The following ASS1 variants were observed in gnomAD, a reference collection of about 807,000 sequenced individuals.
ASS1 encodes argininosuccinate synthase.
In ASS1, 58 loss-of-function variants were observed where a neutral mutation model predicts 60.5. The observed-to-expected ratio is 0.96, with a 90% CI of 0.78 to 1.19. The LOEUF is 1.19. Among genes scored for constraint, ASS1 ranks in the 50% most tolerant of loss-of-function variants. The probability of loss-of-function intolerance (pLI) is 0.00; values close to 1 mark genes in which losing one functional copy is unlikely to be tolerated. For missense variants in ASS1, 454 were observed against 547.3 expected (o/e 0.83, Z 1.70); for synonymous variants, 200 against 206.9 (o/e 0.97, Z 0.29).
At chr9:130,496,640 G>T (rs1846609824) in intron 13 of ASS1, among the ~76,000 whole-genome samples, 1 of 149,170 alleles carries the variant, frequency 6.7e-6, no homozygotes, top group Non-Finnish European at 1.5e-5. Context: ...GGAACCATGA[G>T]ATTTCTCATT....
At chr9:130,461,215 T>TGAG (rs1243322456) in intron 4 of ASS1, among the ~76,000 whole-genome samples, 4 of 142,860 alleles carry the variant, frequency 2.8e-5, no homozygotes, top group South Asian at 2.2e-4. Flanking sequence ...GGTGGGTGGG[T>TGAG]GAGTATGGGT....
chr9:130,449,342 GAAAAAAAA>G (rs55853169), intron 1 of ASS1, among the ~76,000 whole-genome samples: 1 of 91,538 alleles, frequency 1.1e-5, no homozygotes, highest in Non-Finnish European at 2.0e-5. Context: ...GACCCTGTCT[GAAAAAAAA>G]AAAAAAAAAA....
At chr9:130,461,122 C>G (rs963734704) in intron 4 of ASS1, among the ~76,000 whole-genome samples, 1 of 148,320 alleles carries the variant, frequency 6.7e-6, no homozygotes, top group East Asian at 2.0e-4. Context: ...GATCAGAATT[C>G]TGGGAGGGGT....
At chr9:130,495,500 C>CACACACATAT (rs57531289) in intron 13 of ASS1, among the ~76,000 whole-genome samples, 2 of 148,286 alleles carry the variant, frequency 1.3e-5, no homozygotes, top group African/African-American at 5.2e-5. Flanking sequence ...CACACACACA[C>CACACACATAT]ATATATATAT....
At position 130,476,947 on chromosome 9, in the gene ASS1, T is replaced by C; in HGVS notation, c.674T>C (p.Ile225Thr). Residue 225 changes from isoleucine (I) to threonine (T), a missense_variant, in exon 9 of 15, where the codon ATC becomes ACC. Physicochemically the swap from Ile to Thr is moderately conservative, Grantham distance 89. Coordinates refer to ENST00000352480, the MANE Select transcript of ASS1 (RefSeq NM_054012.4). This position sits in a 1 kb window ranked among gnomAD's most constrained non-coding sequence, Gnocchi z 4.9. ...KAPNTPDILE[I>T]EFKKGVPVKV... is the part of the protein sequence containing the mutation. ...CCCAACACCCCTGACATTCTCGAGA[T>C]CGAGTTCAAAAAAGGTATGTGCCCA... The C allele has an allele frequency of 6.2e-7, 1 of 1,613,792 alleles. No homozygotes were observed. Among genetic ancestry groups the C allele is most frequent in the Non-Finnish European group, 8.5e-7 (1 of 1,179,856 alleles).
intron 6 of ASS1, among the ~76,000 whole-genome samples, chr9:130,468,142 GT>G (rs1169062176): frequency 6.6e-6 from 1 of 152,216 alleles, no homozygotes; most frequent in Non-Finnish European, 1.5e-5. Context: ...CAGAGGCAGT[GT>G]TTCTGCACCC....
chr9:130,468,053 C>G (rs780199435), intron 6 of ASS1, among the ~76,000 whole-genome samples: 20 of 152,196 alleles, frequency 1.3e-4, no homozygotes, highest in Non-Finnish European at 1.9e-4. Context: ...AGCATGGCCC[C>G]CTCGGCCACC....
At chr9:130,492,769 C>A (rs1846479569) in intron 12 of ASS1, among the ~76,000 whole-genome samples, 1 of 152,222 alleles carries the variant, frequency 6.6e-6, no homozygotes, top group Admixed American at 6.5e-5. Flanking sequence ...CTGGGCCTAG[C>A]AGCACGGGGG....
chr9:130,451,977 C>T, intron 1 of ASS1: 1 of 650,636 alleles, frequency 1.5e-6, no homozygotes, highest in Non-Finnish European at 2.8e-6. Flanking sequence ...CCCCGACCAG[C>T]CTAGGACTGC....
chr9:130,478,268 C>A lies in ASS1; in HGVS notation c.688+1307C>A, dbSNP rs1846072846. Among the ~76,000 whole-genome samples, 1 of 152,224 alleles carries A rather than the reference C, an allele frequency of 6.6e-6. No individual in the cohort carries two copies. The highest frequency in any genetic ancestry group is 2.4e-5 in the African/African-American group (1 of 41,472). On this transcript the variant is annotated intron_variant, in intron 9 of 14. Coordinates refer to ENST00000352480, the MANE Select transcript of ASS1 (RefSeq NM_054012.4). The surrounding 1 kb of genome is among the most constrained non-coding windows in gnomAD (Gnocchi z 4.7). ...CCAGGCCTGTTTGCAGGCACAGAGCCTCCCTTTAGGATCATCTCTGAGAAG... is the reference window on the plus strand; with the variant it reads ...CCAGGCCTGTTTGCAGGCACAGAGCATCCCTTTAGGATCATCTCTGAGAAG...
Position 130,470,931 on chromosome 9 carries a change from G to C in ASS1, c.566+27G>C, listed in dbSNP as rs1189907953. 1.2e-6 allele frequency: 2 copies of C among 1,611,242 alleles called. No individual in the cohort carries two copies. Among genetic ancestry groups the C allele is most frequent in the Non-Finnish European group, 1.7e-6 (2 of 1,177,776 alleles). ...TAAATCCCACCCTCCACCCATCCTTGGTCCTCCCGGGCTCATTCCAAAGGA... is the reference window on the plus strand; with the variant it reads ...TAAATCCCACCCTCCACCCATCCTTCGTCCTCCCGGGCTCATTCCAAAGGA... On this transcript the variant is annotated intron_variant, in intron 7 of 14. Transcript: ENST00000352480. The surrounding 1 kb of genome is among the most constrained non-coding windows in gnomAD (Gnocchi z 4.3).
chr9:130,445,260 C>T (rs1003154976), intron 1 of ASS1: 8 of 937,496 alleles, frequency 8.5e-6, no homozygotes, highest in African/African-American at 3.8e-5. Flanking sequence ...GTCCCCGGGT[C>T]CGAAGAGCGG....
chr9:130,462,576 G>C (rs544962421), intron 4 of ASS1, among the ~76,000 whole-genome samples: 1 of 152,358 alleles, frequency 6.6e-6, no homozygotes, highest in African/African-American at 2.4e-5. Context: ...CAGCAGCCCA[G>C]CCGTGCCTGG....
In ASS1 at chr9:130,478,715, A is replaced by G. The variant is rs1846084197; in HGVS notation, c.689-1001A>G. ...TAGGACCGGGGAGGGAGAGAAAGGG[A>G]GAGAGGAGAGGCGGGGGGTGGTGAG... On this transcript the variant is annotated intron_variant, in intron 9 of 14. Transcript: ENST00000352480. The surrounding 1 kb of genome is among the most constrained non-coding windows in gnomAD (Gnocchi z 4.7). Among the ~76,000 whole-genome samples the G allele has an allele frequency of 6.6e-6, 1 of 152,146 alleles. No homozygotes were observed. Among genetic ancestry groups the G allele is most frequent in the African/African-American group, 2.4e-5 (1 of 41,434 alleles).
chr9:130,497,418 G>A (rs1846632235), intron 13 of ASS1, among the ~76,000 whole-genome samples: 1 of 151,802 alleles, frequency 6.6e-6, no homozygotes. Context: ...CGTAATTATA[G>A]AGCAGGTCAG....
Position 130,470,979 on chromosome 9 carries a change from G to T in ASS1, c.566+75G>T, listed in dbSNP as rs549088378. On this transcript the variant is annotated intron_variant, in intron 7 of 14. Coordinates refer to ENST00000352480, the MANE Select transcript of ASS1 (RefSeq NM_054012.4). This position sits in a 1 kb window ranked among gnomAD's most constrained non-coding sequence, Gnocchi z 4.3. Reference sequence around the variant, plus strand: ...GGACGGCCACGCGCTGCCCCAGGACGTCCTGGTGACCCCCACACCAGTGGT... The same window carrying T: ...GGACGGCCACGCGCTGCCCCAGGACTTCCTGGTGACCCCCACACCAGTGGT... The T allele has an allele frequency of 3.3e-5, 51 of 1,537,594 alleles. No homozygotes were observed. In the East Asian group the frequency reaches 1.1e-3, roughly 34 times the overall value.
At chr9:130,457,347 C>T (rs542704887) in intron 3 of ASS1, among the ~76,000 whole-genome samples, 132 of 152,126 alleles carry the variant, frequency 8.7e-4, no homozygotes, top group African/African-American at 2.5e-3. Context: ...AGCACATGCC[C>T]GTAGTCCCAG....
intron 11 of ASS1, among the ~76,000 whole-genome samples, chr9:130,486,475 C>T (rs1846308688): frequency 1.3e-5 from 2 of 152,150 alleles, no homozygotes; most frequent in African/African-American, 2.4e-5. Flanking sequence ...TGCCATCAGC[C>T]TTTTTACCCC....
rs986399572 is a variant in ASS1 at position 130,478,306 on chromosome 9, G to T, written c.688+1345G>T. Among the ~76,000 whole-genome samples, 2 of 152,180 alleles carry T rather than the reference G, an allele frequency of 1.3e-5. No individual in the cohort carries two copies. The highest frequency in any genetic ancestry group is 2.9e-5 in the Non-Finnish European group (2 of 68,030). ...CATCTCTGAGAAGATGGTGGGAGTG[G>T]CCCCAGCAGCACCTCCTGGCTCCCT... On this transcript the variant is annotated intron_variant, in intron 9 of 14. Transcript: ENST00000352480. The surrounding 1 kb of genome is among the most constrained non-coding windows in gnomAD (Gnocchi z 4.7).
Sources: gnomAD v4.1 joint callset for allele counts (sites outside exome capture counted in the v4.1 genomes callset) on GRCh38, gnomAD v4.1.1 for gene constraint, Gnocchi (gnomAD v3.1) non-coding constraint, MANE v1.5 for transcripts, NCBI Gene and HGNC (gene_info 2026-07-23, HGNC 2026-07-21) for gene names.